MNAT1: variants seen among roughly 807,000 people sequenced by gnomAD.
The protein encoded by MNAT1 is MNAT1 component of CDK activating kinase, also known as CDK-activating kinase assembly factor MAT1.
In MNAT1, 43 loss-of-function variants were observed where a neutral mutation model predicts 42.0. That is an observed-to-expected ratio of 1.02 (90% CI 0.80 to 1.32). MNAT1 has a LOEUF of 1.32. Ranked by LOEUF, MNAT1 falls within the 40% of genes most tolerant of loss-of-function variation. The pLI, the probability that MNAT1 is intolerant of heterozygous loss-of-function variation, is 0.00. For missense variants in MNAT1, 306 were observed against 350.4 expected (o/e 0.87, Z 1.01); for synonymous variants, 118 against 120.0 (o/e 0.98, Z 0.11).
intron 1 of MNAT1, among the ~76,000 whole-genome samples, chr14:60,750,505 C>T (rs938427649): frequency 2.1e-5 from 3 of 145,748 alleles, no homozygotes; most frequent in African/African-American, 5.1e-5. Context: ...GCTGGGATTA[C>T]AGGCGTGAGC....
chr14:60,780,363 G>A (rs560597540), intron 1 of MNAT1: 4 of 1,579,166 alleles, frequency 2.5e-6, no homozygotes, highest in Non-Finnish European at 2.6e-6. Flanking sequence ...GATGAAATCC[G>A]TTCAGTCATC....
At chr14:60,915,426 T>C (rs992236808) in intron 7 of MNAT1, among the ~76,000 whole-genome samples, 3 of 152,218 alleles carry the variant, frequency 2.0e-5, no homozygotes, top group Non-Finnish European at 2.9e-5. Flanking sequence ...TTTAAACTTA[T>C]TGTGTTTCTT....
At chr14:60,949,872 G>C (rs2036349671) in intron 7 of MNAT1, among the ~76,000 whole-genome samples, 1 of 152,076 alleles carries the variant, frequency 6.6e-6, no homozygotes, top group Non-Finnish European at 1.5e-5. Context: ...GTGGGCCTAA[G>C]TATTAAAAAT....
rs2036732039 is a variant in MNAT1 at position 60,968,990 on chromosome 14, C to CA, written c.*642dup. Reference sequence around the variant, plus strand: ...ATAGTTCCCAGCTGTGAGCCACACTCAGGATAAAACAAAACCCAGCATTAA... The same window carrying CA: ...ATAGTTCCCAGCTGTGAGCCACACTCAAGGATAAAACAAAACCCAGCATTAA... On this transcript the variant is annotated 3_prime_UTR_variant, in exon 8 of 8. Coordinates refer to ENST00000261245, the MANE Select transcript of MNAT1 (RefSeq NM_002431.4). The CA allele has an allele frequency of 6.5e-6, 1 of 153,274 alleles. No homozygotes were observed. Among genetic ancestry groups the CA allele is most frequent in the Non-Finnish European group, 1.5e-5 (1 of 68,952 alleles). 9.5% of individuals were successfully genotyped at this position (153,274 alleles called of 1,614,324 possible). A position where few individuals can be genotyped will look rare whatever the true frequency, so the allele number is the denominator to read the frequency against.
intron 7 of MNAT1, among the ~76,000 whole-genome samples, chr14:60,927,696 C>T (rs1052302110): frequency 2.0e-5 from 3 of 152,078 alleles, no homozygotes; most frequent in African/African-American, 4.8e-5. Context: ...GACATGTTTT[C>T]GACCACCTTC....
chr14:60,914,940 A>G (rs909069182), intron 7 of MNAT1, among the ~76,000 whole-genome samples: 1 of 152,254 alleles, frequency 6.6e-6, no homozygotes, highest in Non-Finnish European at 1.5e-5. Flanking sequence ...AAAATTACCA[A>G]TAAGATGGCA....
intron 7 of MNAT1, among the ~76,000 whole-genome samples, chr14:60,909,962 A>C (rs945329138): frequency 1.1e-4 from 16 of 152,068 alleles, no homozygotes; most frequent in African/African-American, 3.9e-4. Context: ...ATGAGCATGG[A>C]ATGTTCTTCC....
intron 1 of MNAT1, among the ~76,000 whole-genome samples, chr14:60,778,899 G>A (rs765062487): frequency 7.2e-5 from 11 of 152,282 alleles, no homozygotes; most frequent in Non-Finnish European, 1.6e-4. Flanking sequence ...GGATGGAATA[G>A]GAGTGGTCTC....
chr14:60,900,100 A>G (rs1439719285), intron 7 of MNAT1, among the ~76,000 whole-genome samples: 4 of 140,998 alleles, frequency 2.8e-5, no homozygotes, highest in African/African-American at 1.1e-4. Context: ...GGACTTCCCT[A>G]TTCCCTGAGA....
At chr14:60,801,274 A>G (rs2032194051) in intron 3 of MNAT1, among the ~76,000 whole-genome samples, 1 of 152,146 alleles carries the variant, frequency 6.6e-6, no homozygotes, top group Non-Finnish European at 1.5e-5. Flanking sequence ...AGGGATGACT[A>G]AAAATGGGGC....
At chr14:60,932,511 G>A (rs4151364) in intron 7 of MNAT1, among the ~76,000 whole-genome samples, 139,736 of 152,016 alleles carry the variant, frequency 0.92, 64,729 homozygotes, top group Non-Finnish European at 0.99. Context: ...TCAAGAAACT[G>A]TCTTACGTGG....
chr14:60,860,490 C>T (rs1292142227), intron 6 of MNAT1, among the ~76,000 whole-genome samples: 2 of 151,260 alleles, frequency 1.3e-5, no homozygotes, highest in Non-Finnish European at 2.9e-5. Flanking sequence ...GTAGCTGGGA[C>T]TACAGGCACC....
In MNAT1 at chr14:60,936,403, C is replaced by T. The variant is rs1359376507; in HGVS notation, c.810-31826C>T. On this transcript the variant is annotated intron_variant, in intron 7 of 7. Coordinates refer to ENST00000261245, the MANE Select transcript of MNAT1 (RefSeq NM_002431.4). ...CCTCCCCCCACCCCACAACAGGCCC[C>T]CGTGTGTGATGTTCCCCTTCCTGTG... is the stretch of plus-strand genomic sequence containing the variant. Among the ~76,000 whole-genome samples, 11 of 130,282 alleles carry T rather than the reference C, an allele frequency of 8.4e-5. No individual in the cohort carries two copies. The East Asian group carries it at 1.3e-3, about 16-fold the overall frequency. The allele number at this position is 130,282 out of a possible 152,430, so 85.5% of individuals were successfully genotyped here.
chr14:60,737,569 A>C (rs967337746), intron 1 of MNAT1, among the ~76,000 whole-genome samples: 8 of 152,112 alleles, frequency 5.3e-5, no homozygotes, highest in Non-Finnish European at 1.0e-4. Context: ...TTTTCCTTGG[A>C]GTAAGCATCC....
chr14:60,865,137 T>C (rs902176883), intron 6 of MNAT1, among the ~76,000 whole-genome samples: 1 of 152,094 alleles, frequency 6.6e-6, no homozygotes, highest in African/African-American at 2.4e-5. Context: ...ATGTGGTCTC[T>C]TAAATTATTC....
intron 1 of MNAT1, among the ~76,000 whole-genome samples, chr14:60,739,375 A>G (rs1382664800): frequency 6.6e-6 from 1 of 152,038 alleles, no homozygotes; most frequent in Non-Finnish European, 1.5e-5. Flanking sequence ...CTTCCGCAGG[A>G]TTTTATTAAC....
chr14:60,894,031 A>G (rs2034898874), intron 7 of MNAT1, among the ~76,000 whole-genome samples: 1 of 152,048 alleles, frequency 6.6e-6, no homozygotes, highest in African/African-American at 2.4e-5. Context: ...CAGACTCGCA[A>G]CTGAAGTTTG....
At position 60,736,282 on chromosome 14, in the gene MNAT1, G is replaced by A. The variant is rs549298032; in HGVS notation, c.89+1331G>A. ...TATCAGGTTTGTTATGGTGGAACAG[G>A]AAAGAGAGTTTGTTTTTTTTTTTGG... On this transcript the variant is annotated intron_variant, in intron 1 of 7. Transcript: ENST00000261245. Among the ~76,000 whole-genome samples the A allele has an allele frequency of 2.6e-5, 4 of 151,698 alleles. No individual in the cohort carries two copies. The East Asian group carries it at 5.8e-4, about 22-fold the overall frequency.
At chr14:60,768,077 T>G (rs1385332003) in intron 1 of MNAT1, among the ~76,000 whole-genome samples, 1 of 152,160 alleles carries the variant, frequency 6.6e-6, no homozygotes, top group Non-Finnish European at 1.5e-5. Context: ...TTTTTTGTAT[T>G]TTTAGTACAG....
Sources: gnomAD v4.1 joint callset for allele counts (sites outside exome capture counted in the v4.1 genomes callset) on GRCh38, gnomAD v4.1.1 for gene constraint, MANE v1.5 for transcripts, NCBI Gene and HGNC (gene_info 2026-07-23, HGNC 2026-07-21) for gene names.